The following ITPK1 variants were observed in gnomAD, a reference collection of about 807,000 sequenced individuals.
ITPK1 encodes inositol 1,3,4-trisphosphate 5/6-kinase.
Under a neutral mutation model 45.3 loss-of-function variants are expected in ITPK1, and 21 were observed. That is an observed-to-expected ratio of 0.46 (90% CI 0.33 to 0.67). ITPK1 has a LOEUF of 0.67. Among genes scored for constraint, ITPK1 ranks in the 30% least tolerant of loss-of-function variants. The probability of loss-of-function intolerance (pLI) is 0.02; values close to 1 mark genes in which losing one functional copy is unlikely to be tolerated. For missense variants in ITPK1, 474 were observed against 573.5 expected, an observed-to-expected ratio of 0.83 and a Z score of 1.77; for synonymous variants, 258 against 253.6, an observed-to-expected ratio of 1.02 and a Z score of -0.16.
chr14:93,020,621 C>T (rs1888417711), intron 3 of ITPK1, among the ~76,000 whole-genome samples: 1 of 152,188 alleles, frequency 6.6e-6, no homozygotes, highest in Non-Finnish European at 1.5e-5. Context: ...CACCGTAACC[C>T]CAGTTATGAT....
chr14:93,016,877 TG>T lies in ITPK1; in HGVS notation c.121-77del. On this transcript the variant is annotated intron_variant, in intron 3 of 10. Transcript: ENST00000267615. This position sits in a 1 kb window ranked among gnomAD's most constrained non-coding sequence, Gnocchi z 5.0. The stretch of plus-strand genomic sequence containing the variant: ...ACTGCCCCCATCCTCTTGTCCACCC[TG>T]GGGCATATCACCAGAGGACCCTCGA... 1 of 1,578,182 alleles carries T rather than the reference TG, an allele frequency of 6.3e-7. No individual in the cohort carries two copies.
chr14:93,096,588 G>C (rs1283824726), intron 2 of ITPK1, among the ~76,000 whole-genome samples: 1 of 152,180 alleles, frequency 6.6e-6, no homozygotes, highest in Non-Finnish European at 1.5e-5. Context: ...AGGAAATCCT[G>C]GGTCTGGATG....
chr14:93,003,072 A>G (rs1189667746), intron 4 of ITPK1, among the ~76,000 whole-genome samples: 1 of 152,176 alleles, frequency 6.6e-6, no homozygotes, highest in Non-Finnish European at 1.5e-5. Context: ...AGAGCGTGTC[A>G]GGGCCAGCAC....
chr14:93,107,667 G>C (rs1034520470), intron 2 of ITPK1, among the ~76,000 whole-genome samples: 12 of 152,196 alleles, frequency 7.9e-5, no homozygotes, highest in African/African-American at 2.4e-4. Context: ...GCGGGGTCTG[G>C]AGTCTGGAGC....
At chr14:93,009,501 G>A (rs1387971641) in intron 4 of ITPK1, among the ~76,000 whole-genome samples, 1 of 152,204 alleles carries the variant, frequency 6.6e-6, no homozygotes, top group East Asian at 1.9e-4. Context: ...TTTCCACAAG[G>A]GGAAGCAACT....
At chr14:92,944,215 G>C (rs1199861796) in intron 10 of ITPK1, among the ~76,000 whole-genome samples, 1 of 152,142 alleles carries the variant, frequency 6.6e-6, no homozygotes, top group Non-Finnish European at 1.5e-5. Flanking sequence ...GGTGCCTCCT[G>C]TGGGGTGCAG....
intron 4 of ITPK1, 139 bp from the exon 5 acceptor site, chr14:92,994,136 C>G (rs138641024): frequency 0.012 from 7,536 of 623,518 alleles, 58 homozygotes; most frequent in Non-Finnish European, 0.017. Context: ...CATTCCAGCA[C>G]TGGGACATTT....
intron 5 of ITPK1, among the ~76,000 whole-genome samples, chr14:92,990,824 G>A (rs1399688262): frequency 6.6e-6 from 1 of 152,146 alleles, no homozygotes; most frequent in African/African-American, 2.4e-5. Flanking sequence ...TCCTGGGAGA[G>A]CCTCCCCTTG....
intron 8 of ITPK1, among the ~76,000 whole-genome samples, chr14:92,953,338 C>CG (rs1888048944): frequency 6.6e-6 from 1 of 152,208 alleles, no homozygotes; most frequent in Non-Finnish European, 1.5e-5. Flanking sequence ...CCAGTCCAGA[C>CG]GGGGGCCATG....
At chr14:92,948,122 A>G (rs61100258) in intron 9 of ITPK1, among the ~76,000 whole-genome samples, 10,353 of 152,202 alleles carry the variant, frequency 0.068, 608 homozygotes, top group East Asian at 0.32. Flanking sequence ...TTCCATTTCT[A>G]CGGAATATCT....
chr14:93,044,299 C>G (rs1740693), intron 3 of ITPK1, among the ~76,000 whole-genome samples: 55,773 of 152,108 alleles, frequency 0.37, 10,879 homozygotes, highest in Admixed American at 0.46. Flanking sequence ...AGATTGCATG[C>G]AGGCCCAGGT....
At chr14:93,013,915 G>T (rs1173972780) in intron 4 of ITPK1, among the ~76,000 whole-genome samples, 1 of 152,136 alleles carries the variant, frequency 6.6e-6, no homozygotes, top group Admixed American at 6.6e-5. Flanking sequence ...CCCAGTGACC[G>T]GTGGTAGAAG....
intron 10 of ITPK1, among the ~76,000 whole-genome samples, chr14:92,942,219 C>T (rs1429748561): frequency 6.6e-6 from 1 of 152,154 alleles, no homozygotes; most frequent in Non-Finnish European, 1.5e-5. Context: ...TCTCACCCAC[C>T]CATCCACTTG....
At chr14:93,078,280 C>T (rs778543810) in intron 2 of ITPK1, among the ~76,000 whole-genome samples, 9 of 152,180 alleles carry the variant, frequency 5.9e-5, no homozygotes, top group Non-Finnish European at 8.8e-5. Context: ...GCTGAGGCGC[C>T]GCCCACCAAT....
chr14:92,941,193 C>G lies in ITPK1; in HGVS notation c.*368G>C. The G allele has an allele frequency of 8.0e-7, 1 of 1,256,446 alleles. No individual in the cohort carries two copies. The highest frequency in any genetic ancestry group is 1.6e-5 in the South Asian group (1 of 62,602). 77.8% of individuals were successfully genotyped at this position (1,256,446 alleles called of 1,614,324 possible). ...GCAGGCTTCCCCCAAGGGTCCCGGT[C>G]CACAGTGGCCATGGAGACCAACAGA... On this transcript the variant is annotated 3_prime_UTR_variant, in exon 11 of 11. Coordinates refer to ENST00000267615, the MANE Select transcript of ITPK1 (RefSeq NM_014216.6).
chr14:93,041,172 C>A (rs921425364), intron 3 of ITPK1, among the ~76,000 whole-genome samples: 1 of 152,224 alleles, frequency 6.6e-6, no homozygotes, highest in Non-Finnish European at 1.5e-5. Context: ...ATCCCACAGG[C>A]ACTAGCATCA....
intron 3 of ITPK1, among the ~76,000 whole-genome samples, chr14:93,028,622 G>C (rs915934948): frequency 1.3e-5 from 2 of 152,208 alleles, no homozygotes; most frequent in African/African-American, 4.8e-5. Flanking sequence ...CCACGAGACA[G>C]TGTTGGTGAA....
chr14:93,015,901 G>A (rs1235425629), intron 4 of ITPK1, among the ~76,000 whole-genome samples: 4 of 152,166 alleles, frequency 2.6e-5, no homozygotes, highest in Non-Finnish European at 4.4e-5. Flanking sequence ...CCAAATCTGC[G>A]CCTGTCACAC....
chr14:92,982,393 G>C (rs938254406), intron 5 of ITPK1, among the ~76,000 whole-genome samples: 1 of 152,208 alleles, frequency 6.6e-6, no homozygotes, highest in African/African-American at 2.4e-5. Context: ...AAAGCACAAG[G>C]AGACTGGCCA....
Sources: allele counts gnomAD v4.1 joint callset (sites outside exome capture counted in the v4.1 genomes callset), GRCh38; gene constraint gnomAD v4.1.1; non-coding constraint Gnocchi (gnomAD v3.1); transcripts MANE v1.5; gene names NCBI Gene and HGNC (gene_info 2026-07-23, HGNC 2026-07-21).